SIK3: variants seen among roughly 807,000 people sequenced by gnomAD.
SIK3 encodes the protein SIK family kinase 3, also known as serine/threonine-protein kinase SIK3.
Under a neutral mutation model 144.2 loss-of-function variants are expected in SIK3, and 28 were observed. The ratio of observed to expected loss-of-function variants is 0.19; its 90% CI spans 0.14 to 0.27. The LOEUF (loss-of-function observed/expected upper bound fraction) is 0.27, where lower values mean the gene tolerates loss of function less well. Among genes scored for constraint, SIK3 ranks in the 10% least tolerant of loss-of-function variants. SIK3 has a pLI of 1.00. For missense variants in SIK3, 1,319 were observed against 1,776.0 expected, an observed-to-expected ratio of 0.74 and a Z score of 4.62; for synonymous variants, 686 against 676.3, an observed-to-expected ratio of 1.01 and a Z score of -0.22.
At chr11:117,045,262 T>C (rs1381402662) in intron 1 of SIK3, among the ~76,000 whole-genome samples, 1 of 152,220 alleles carries the variant, frequency 6.6e-6, no homozygotes, top group Non-Finnish European at 1.5e-5. Flanking sequence ...GAGAGCTACA[T>C]GTGGCTTCTC....
At chr11:117,036,580 A>C (rs1952514234) in intron 1 of SIK3, among the ~76,000 whole-genome samples, 1 of 152,266 alleles carries the variant, frequency 6.6e-6, no homozygotes. Flanking sequence ...TCTATAAAGC[A>C]GAATTTTAGA....
Position 117,018,223 on chromosome 11 carries a change from C to A in SIK3, c.274-61159G>T, listed in dbSNP as rs1951618202. ...TACACACACACTCAAGTCCTGCAGT[C>A]CCCCGAGGAACCTGCATATACAAAA... On this transcript the variant is annotated intron_variant, in intron 1 of 24. Transcript: ENST00000445177. Among the ~76,000 whole-genome samples, 3 of 152,256 alleles carry A rather than the reference C, an allele frequency of 2.0e-5. No individual in the cohort carries two copies. The South Asian group carries it at 6.2e-4, about 32-fold the overall frequency.
intron 1 of SIK3, among the ~76,000 whole-genome samples, chr11:116,996,819 C>CAAAAAAAAA (rs11329513): frequency 6.8e-5 from 4 of 58,402 alleles, no homozygotes; most frequent in East Asian, 1.3e-3. Flanking sequence ...GACTCTCTCT[C>CAAAAAAAAA]AAAAAAAAAA....
chr11:116,982,697 T>C (rs1950186993), intron 1 of SIK3, among the ~76,000 whole-genome samples: 1 of 151,308 alleles, frequency 6.6e-6, no homozygotes, highest in East Asian at 1.9e-4. Flanking sequence ...GGCTCACACC[T>C]GTAATCCCAG....
chr11:116,849,236 C>T lies in SIK3; in HGVS notation c.3703G>A (p.Val1235Met), dbSNP rs1403310406. 1 of 1,614,224 alleles carries T rather than the reference C, an allele frequency of 6.2e-7. No homozygotes were observed. The highest frequency in any genetic ancestry group is 8.5e-7 in the Non-Finnish European group (1 of 1,180,034). ...AGCCCATTGTGATCCGGCAGCTCCA[C>T]TGCTTGTCCTGGAGAACTTCTATCC... Reference protein sequence around the residue: ...CMDRSSPGQAVELPDHNGLGY... With the variant: ...CMDRSSPGQAMELPDHNGLGY... The change falls in exon 22 of 25, where the codon GTG becomes ATG. Residue 1235 changes from valine (V) to methionine (M), a missense_variant. By Grantham distance (21) the Val-to-Met change is conservative. Transcript: ENST00000445177. The surrounding 1 kb of genome is among the most constrained non-coding windows in gnomAD (Gnocchi z 4.2).
chr11:116,934,803 G>A (rs1292995739), intron 3 of SIK3, among the ~76,000 whole-genome samples: 1 of 152,018 alleles, frequency 6.6e-6, no homozygotes, highest in Non-Finnish European at 1.5e-5. Flanking sequence ...GCATAGGCCG[G>A]GCGCGGTGGC....
chr11:116,989,485 A>G (rs1192438429), intron 1 of SIK3, among the ~76,000 whole-genome samples: 1 of 152,214 alleles, frequency 6.6e-6, no homozygotes, highest in Non-Finnish European at 1.5e-5. Flanking sequence ...CCCAAGAGCA[A>G]ACAAGTAGAA....
chr11:117,059,928 T>C (rs1953717984), intron 1 of SIK3, among the ~76,000 whole-genome samples: 1 of 152,256 alleles, frequency 6.6e-6, no homozygotes, highest in Non-Finnish European at 1.5e-5. Context: ...ACAGCCACTT[T>C]GTAAGACAGT....
chr11:116,954,628 T>C (rs1428034121), intron 2 of SIK3, among the ~76,000 whole-genome samples: 1 of 152,186 alleles, frequency 6.6e-6, no homozygotes, highest in African/African-American at 2.4e-5. Context: ...AAGAGAACAG[T>C]AATTTAAAAT....
At chr11:116,874,082 A>C in intron 11 of SIK3, 26 bp from the exon 12 acceptor site, 1 of 1,612,156 alleles carries the variant, frequency 6.2e-7, no homozygotes. Context: ...ATGACAGAGA[A>C]GTTTAGTTAA....
At chr11:117,013,967 C>CCTTTTTTTTT (rs756680301) in intron 1 of SIK3, among the ~76,000 whole-genome samples, 2 of 7,372 alleles carry the variant, frequency 2.7e-4, no homozygotes, top group African/African-American at 3.6e-4. Flanking sequence ...TTCTTTTTTT[C>CCTTTTTTTTT]TTTTCTTTTT....
intron 4 of SIK3, among the ~76,000 whole-genome samples, chr11:116,917,438 A>G (rs188938190): frequency 6.6e-6 from 1 of 152,300 alleles, no homozygotes; most frequent in Non-Finnish European, 1.5e-5. Context: ...GGCTGGGCAC[A>G]GTAGCTCATG....
At chr11:117,031,732 G>A (rs530075105) in intron 1 of SIK3, among the ~76,000 whole-genome samples, 12 of 131,070 alleles carry the variant, frequency 9.2e-5, no homozygotes, top group Middle Eastern at 5.0e-3. Context: ...TAGTAGAGAC[G>A]GGGTTTCACC....
chr11:117,053,378 G>GT (rs1953354107), intron 1 of SIK3, among the ~76,000 whole-genome samples: 1 of 151,506 alleles, frequency 6.6e-6, no homozygotes, highest in Non-Finnish European at 1.5e-5. Flanking sequence ...GCTATTATAG[G>GT]TAAGTATGTA....
intron 20 of SIK3, 122 bp downstream of exon 20, chr11:116,859,143 G>C: frequency 1.1e-6 from 1 of 915,578 alleles, no homozygotes; most frequent in Non-Finnish European, 1.6e-6. Flanking sequence ...TAGAAAGCGT[G>C]AAACAAGAGC....
intron 1 of SIK3, among the ~76,000 whole-genome samples, chr11:116,966,235 A>T (rs1213798183): frequency 2.0e-5 from 3 of 151,984 alleles, no homozygotes; most frequent in Non-Finnish European, 4.4e-5. Flanking sequence ...TCTACAAAAA[A>T]TTTTTTAAAA....
chr11:116,900,851 C>T (rs1406839820), intron 4 of SIK3, among the ~76,000 whole-genome samples: 1 of 150,994 alleles, frequency 6.6e-6, no homozygotes, highest in Non-Finnish European at 1.5e-5. Flanking sequence ...TATACATATA[C>T]ATATATATTA....
At chr11:117,015,527 T>G (rs1382232949) in intron 1 of SIK3, among the ~76,000 whole-genome samples, 1 of 151,974 alleles carries the variant, frequency 6.6e-6, no homozygotes, top group Admixed American at 6.6e-5. Context: ...TTCTCCTGCC[T>G]CAGCCTCTGG....
At chr11:117,066,993 C>T (rs1954055732) in intron 1 of SIK3, among the ~76,000 whole-genome samples, 1 of 152,126 alleles carries the variant, frequency 6.6e-6, no homozygotes. Context: ...ACTATTGGAA[C>T]AACTAAAATT....
Sources: gnomAD v4.1 joint callset for allele counts (sites outside exome capture counted in the v4.1 genomes callset) on GRCh38, gnomAD v4.1.1 for gene constraint, Gnocchi (gnomAD v3.1) non-coding constraint, MANE v1.5 for transcripts, NCBI Gene and HGNC (gene_info 2026-07-23, HGNC 2026-07-21) for gene names.